DLG2: variants seen among roughly 807,000 people sequenced by gnomAD.
DLG2 encodes disks large homolog 2.
Under a neutral mutation model 132.5 loss-of-function variants are expected in DLG2, and 45 were observed. The observed-to-expected ratio is 0.34, with a 90% CI of 0.27 to 0.44. The LOEUF (loss-of-function observed/expected upper bound fraction) is 0.44. Ranked by LOEUF, DLG2 falls within the 20% of genes least tolerant of loss-of-function variation. DLG2 has a pLI of 1.00. For missense variants in DLG2, 1,045 were observed against 1,196.9 expected, an observed-to-expected ratio of 0.87 and a Z score of 1.87; for synonymous variants, 424 against 419.6, an observed-to-expected ratio of 1.01 and a Z score of -0.13.
intron 18 of DLG2, among the ~76,000 whole-genome samples, chr11:83,760,873 A>G (rs1323460878): frequency 1.3e-5 from 2 of 152,200 alleles, no homozygotes; most frequent in African/African-American, 4.8e-5. Context: ...CTTTCTGCCT[A>G]CATCAAGTAC....
chr11:84,423,245 A>T (rs2098956285), intron 7 of DLG2, among the ~76,000 whole-genome samples: 1 of 152,152 alleles, frequency 6.6e-6, no homozygotes, highest in South Asian at 2.1e-4. Flanking sequence ...CATGATTAAA[A>T]TGGCAAATTT....
chr11:84,983,876 T>A (rs2056119245), intron 6 of DLG2, among the ~76,000 whole-genome samples: 1 of 151,936 alleles, frequency 6.6e-6, no homozygotes, highest in Admixed American at 6.5e-5. Context: ...AGCAACAGAA[T>A]CGAAGAAGCA....
At position 83,985,494 on chromosome 11, in the gene DLG2, T is replaced by C. The variant is rs151085506; in HGVS notation, c.920-4852A>G. Among the ~76,000 whole-genome samples, 64 of 152,196 alleles carry C rather than the reference T, an allele frequency of 4.2e-4. 1 individual carries two copies. Among genetic ancestry groups the C allele is most frequent in the African/African-American group, 1.5e-3 (63 of 41,554 alleles). On this transcript the variant is annotated intron_variant, in intron 11 of 27. Transcript: ENST00000376104. ...AGAATCCATTAGCTATTCTTCCTGATGCTCTTCTTCCCTGCTTCCCTCCCC... is the reference window on the plus strand; with the variant it reads ...AGAATCCATTAGCTATTCTTCCTGACGCTCTTCTTCCCTGCTTCCCTCCCC...
At chr11:84,101,517 A>T (rs2092521974) in intron 9 of DLG2, among the ~76,000 whole-genome samples, 1 of 151,402 alleles carries the variant, frequency 6.6e-6, no homozygotes, top group Non-Finnish European at 1.5e-5. Context: ...CTTCATGGAT[A>T]TTCAAAGCAT....
intron 3 of DLG2, among the ~76,000 whole-genome samples, chr11:85,489,503 G>A (rs550931019): frequency 6.6e-6 from 1 of 152,008 alleles, no homozygotes; most frequent in South Asian, 2.1e-4. Flanking sequence ...ACAAATCATC[G>A]AGACCGAAAA....
intron 5 of DLG2, among the ~76,000 whole-genome samples, chr11:85,126,377 G>A (rs1431406864): frequency 6.6e-6 from 1 of 152,158 alleles, no homozygotes. Context: ...TGTTGGGTTT[G>A]TGTATTAGAA....
chr11:85,017,488 A>G (rs2059671562), intron 6 of DLG2, among the ~76,000 whole-genome samples: 1 of 152,106 alleles, frequency 6.6e-6, no homozygotes, highest in Non-Finnish European at 1.5e-5. Flanking sequence ...TCCTAAACTA[A>G]TTGACTCATC....
chr11:85,517,138 T>A (rs1293284355), intron 3 of DLG2, among the ~76,000 whole-genome samples: 1 of 152,030 alleles, frequency 6.6e-6, no homozygotes, highest in Non-Finnish European at 1.5e-5. Context: ...AATCAATAAA[T>A]GTAACTCATC....
chr11:85,091,660 GTCT>G (rs1566830013), intron 6 of DLG2, among the ~76,000 whole-genome samples: 1 of 152,062 alleles, frequency 6.6e-6, no homozygotes, highest in East Asian at 1.9e-4. Context: ...TGTTCACATC[GTCT>G]TCTTTAGAAG....
At chr11:85,349,192 T>C (rs1201299559) in intron 3 of DLG2, among the ~76,000 whole-genome samples, 1 of 151,934 alleles carries the variant, frequency 6.6e-6, no homozygotes, top group East Asian at 1.9e-4. Flanking sequence ...GATAAACAAA[T>C]ACAAGCATGA....
rs114190156 is a variant in DLG2 at position 84,374,388 on chromosome 11, G to A, written c.520-123097C>T. 9.9e-5 allele frequency among the ~76,000 whole-genome samples: 15 copies of A among 152,250 alleles called. No individual in the cohort carries two copies. The East Asian group carries it at 2.1e-3, about 22-fold the overall frequency. On this transcript the variant is annotated intron_variant, in intron 7 of 27. Transcript: ENST00000376104. ...GTTCTAAAGCAAGCTTGTTCAACTC[G>A]CAGCCCACAGGCTGCATGCAGTCCA...
At chr11:85,150,486 A>G (rs2077170674) in intron 5 of DLG2, among the ~76,000 whole-genome samples, 1 of 152,052 alleles carries the variant, frequency 6.6e-6, no homozygotes, top group African/African-American at 2.4e-5. Context: ...TATATAACCA[A>G]TAAACATTAA....
At chr11:84,317,258 C>T (rs2098369978) in intron 7 of DLG2, 1 of 1,499,556 alleles carries the variant, frequency 6.7e-7, no homozygotes, top group Non-Finnish European at 8.8e-7. Flanking sequence ...GTGGATTCCT[C>T]AGTATCTTTG....
intron 6 of DLG2, among the ~76,000 whole-genome samples, chr11:84,830,331 C>G (rs2078869572): frequency 6.7e-6 from 1 of 149,586 alleles, no homozygotes; most frequent in African/African-American, 2.5e-5. Flanking sequence ...CAGTATAGCT[C>G]TCTGTCTAAA....
chr11:84,554,215 C>G (rs1427943668), intron 6 of DLG2, among the ~76,000 whole-genome samples: 1 of 152,128 alleles, frequency 6.6e-6, no homozygotes, highest in Non-Finnish European at 1.5e-5. Flanking sequence ...TAAGTTTTAC[C>G]TGGATATGCA....
At chr11:83,513,070 T>C (rs2095120419) in intron 21 of DLG2, among the ~76,000 whole-genome samples, 2 of 152,254 alleles carry the variant, frequency 1.3e-5, no homozygotes, top group South Asian at 4.1e-4. Context: ...CTGGGTCAAA[T>C]GGTATTTCTA....
chr11:84,982,437 TCTC>T (rs2055890480), intron 6 of DLG2, among the ~76,000 whole-genome samples: 1 of 152,118 alleles, frequency 6.6e-6, no homozygotes, highest in African/African-American at 2.4e-5. Flanking sequence ...TTTCACATGT[TCTC>T]CTCCTTAAAA....
At chr11:84,457,375 C>G (rs149604730) in intron 7 of DLG2, among the ~76,000 whole-genome samples, 124 of 150,586 alleles carry the variant, frequency 8.2e-4, no homozygotes, top group African/African-American at 3.0e-3. Context: ...AATAACAACT[C>G]GATAAATGGA....
chr11:84,748,683 T>C (rs1035121396), intron 6 of DLG2, among the ~76,000 whole-genome samples: 3 of 152,186 alleles, frequency 2.0e-5, no homozygotes, highest in African/African-American at 7.2e-5. Flanking sequence ...TTATTCTTGG[T>C]TTGTGGTAGA....
Sources: allele counts gnomAD v4.1 joint callset (sites outside exome capture counted in the v4.1 genomes callset), GRCh38; gene constraint gnomAD v4.1.1; transcripts MANE v1.5; gene names NCBI Gene and HGNC (gene_info 2026-07-23, HGNC 2026-07-21).